Variants in DPEP2 observed in about 807,000 individuals in gnomAD.
DPEP2 encodes dipeptidase 2.
In DPEP2, 45 loss-of-function variants were observed where a neutral mutation model predicts 51.8. The observed-to-expected ratio is 0.87, with a 90% CI of 0.68 to 1.11. The LOEUF (loss-of-function observed/expected upper bound fraction) is 1.11, where lower values mean the gene tolerates loss of function less well. DPEP2 is among the 50% of genes most tolerant of loss of function. The pLI, the probability that DPEP2 is intolerant of heterozygous loss-of-function variation, is 0.00. For missense variants in DPEP2, 604 were observed against 631.9 expected, an observed-to-expected ratio of 0.96 and a Z score of 0.47; for synonymous variants, 255 against 262.7, an observed-to-expected ratio of 0.97 and a Z score of 0.28.
intron 1 of DPEP2, chr16:67,994,810 T>G (rs1439412533): frequency 1.0e-6 from 1 of 985,252 alleles, no homozygotes; most frequent in African/African-American, 1.7e-5. Context: ...ACACTTGATG[T>G]TGCCCAGTGT....
chr16:68,000,547 A>C (rs1489748712), upstream of DPEP2: 5 of 939,720 alleles, frequency 5.3e-6, no homozygotes. Flanking sequence ...ATCTGCTCCC[A>C]TGATGTCTGA....
At chr16:67,990,450 T>C (rs568890835) in intron 7 of DPEP2, among the ~76,000 whole-genome samples, 1 of 152,208 alleles carries the variant, frequency 6.6e-6, no homozygotes, top group South Asian at 2.1e-4. Flanking sequence ...GGCCTCAGGT[T>C]TGAGGGCTCC....
chr16:67,999,069 C>T (rs1195242595), intron 1 of DPEP2, among the ~76,000 whole-genome samples: 1 of 152,186 alleles, frequency 6.6e-6, no homozygotes, highest in African/African-American at 2.4e-5. Flanking sequence ...GGTCCCCTTC[C>T]ACACTGTGGA....
intron 1 of DPEP2, chr16:67,994,898 G>A: frequency 1.0e-6 from 1 of 985,400 alleles, no homozygotes; most frequent in Non-Finnish European, 1.2e-6. Flanking sequence ...CTGCCGAAGG[G>A]GGTCTTTTTT....
upstream of DPEP2, among the ~76,000 whole-genome samples, chr16:68,000,240 T>C (rs2032944884): frequency 6.6e-6 from 1 of 152,154 alleles, no homozygotes; most frequent in Non-Finnish European, 1.5e-5. Flanking sequence ...TATGCAGTGT[T>C]TGCATAAATC....
rs1285870153 is a variant in DPEP2, at chr16:67,993,258, C to T, written c.-45-1G>A. On this transcript the variant is annotated splice_acceptor_variant, in intron 1 of 10. Transcript: ENST00000393847. LOFTEE classifies it low-confidence loss of function (5UTR_SPLICE). ...CAGGCAGGGGTGGCAGTCAGAGAGCCTGAGAGGGGCGGGCGAGGGGCAGAG... is the reference window on the plus strand; with the variant it reads ...CAGGCAGGGGTGGCAGTCAGAGAGCTTGAGAGGGGCGGGCGAGGGGCAGAG... 1.0e-5 allele frequency: 14 copies of T among 1,401,036 alleles called. No individual in the cohort carries two copies. Among genetic ancestry groups the T allele is most frequent in the East Asian group, 5.5e-5 (2 of 36,052 alleles). 86.8% of individuals were successfully genotyped at this position (1,401,036 alleles called of 1,614,324 possible).
At chr16:67,990,665 T>C (rs372364748) in intron 7 of DPEP2, among the ~76,000 whole-genome samples, 156 bp downstream of exon 7, 123 of 152,272 alleles carry the variant, frequency 8.1e-4, no homozygotes, top group African/African-American at 2.7e-3. Context: ...GGTTTCCCCA[T>C]GTTGGCCAGG....
rs767890590 is a variant in DPEP2 at position 67,991,224 on chromosome 16, C to G, written c.663-40G>C. ...GGAAGCAGTCTGACTGGTAGCTGTT[C>G]CTCGGCCTCAAGAGTCTAGAGGCCC... On this transcript the variant is annotated intron_variant, in intron 5 of 10. Transcript: ENST00000393847. The surrounding 1 kb of genome is among the most constrained non-coding windows in gnomAD (Gnocchi z 5.1). 40 of 1,607,144 alleles carry G rather than the reference C, an allele frequency of 2.5e-5. No homozygotes were observed. The Admixed American group carries it at 6.7e-4, about 27-fold the overall frequency.
chr16:67,993,162 C>A lies in DPEP2; in HGVS notation c.51G>T (p.Leu17=). 6.6e-7 allele frequency: 1 copy of A among 1,517,010 alleles called. No homozygotes were observed. Among genetic ancestry groups the A allele is most frequent in the Non-Finnish European group, 8.9e-7 (1 of 1,128,730 alleles). The allele number at this position is 1,517,010 out of a possible 1,614,324, so 94.0% of individuals were successfully genotyped here. A position where few individuals can be genotyped will look rare whatever the true frequency, so the allele number is the denominator to read the frequency against. Reference sequence around the variant, plus strand: ...GCAGCAGCAGGAGCAGCAGACTCAGCAGAGGCCACCGACCAAACGTGCCGG... The same window carrying A: ...GCAGCAGCAGGAGCAGCAGACTCAGAAGAGGCCACCGACCAAACGTGCCGG... ...EGPGTFGRWP[L]LSLLLLLLLL... The change falls in exon 2 of 11, where the codon CTG becomes CTT. Residue 17 remains leucine (L), a synonymous_variant. Transcript: ENST00000393847.
At chr16:67,996,356 G>T (rs1010632815) in intron 1 of DPEP2, among the ~76,000 whole-genome samples, 1 of 142,468 alleles carries the variant, frequency 7.0e-6, no homozygotes, top group South Asian at 2.3e-4. Context: ...TCAACTTTTT[G>T]AATTTTTTTT....
rs1453201469 is a variant in DPEP2 at position 67,992,510 on chromosome 16, C to T, written c.390G>A (p.Gln130=). The change falls in exon 3 of 11, where the codon CAG becomes CAA. Residue 130 remains glutamine (Q), a splice_region_variant and synonymous_variant. Transcript: ENST00000393847. The stretch of plus-strand genomic sequence containing the variant: ...GGCACCTCGTGTATCCCTGTGGTAC[C>T]TGGGCGCCCACGAGGCCATCTCTAA... The part of the protein sequence containing the change: ...DRLRDGLVGA[Q]FWSAYVPCQT... The T allele has an allele frequency of 2.5e-6, 4 of 1,610,160 alleles. No homozygotes were observed. The highest frequency in any genetic ancestry group is 3.4e-6 in the Non-Finnish European group (4 of 1,177,360).
At chr16:67,998,960 C>A (rs2032868244) in intron 1 of DPEP2, among the ~76,000 whole-genome samples, 1 of 152,120 alleles carries the variant, frequency 6.6e-6, no homozygotes, top group African/African-American at 2.4e-5. Context: ...AGCACCCTGT[C>A]AAAACAGACC....
intron 1 of DPEP2, chr16:67,994,903 T>C: frequency 2.0e-6 from 2 of 985,088 alleles, no homozygotes; most frequent in Non-Finnish European, 2.4e-6. Context: ...GAAGGGGGTC[T>C]TTTTTTGTTT....
Position 67,997,329 on chromosome 16 carries a change from C to T in DPEP2, c.-46+2046G>A, listed in dbSNP as rs1245830315. Among the ~76,000 whole-genome samples the T allele has an allele frequency of 2.0e-5, 3 of 149,842 alleles. No homozygotes were observed. The East Asian group carries it at 5.9e-4, about 29-fold the overall frequency. On this transcript the variant is annotated intron_variant, in intron 1 of 10. Coordinates refer to ENST00000393847, the MANE Select transcript of DPEP2 (RefSeq NM_022355.4). ...ATTACAGGCATGAGCCACCCCCGAC[C>T]CTTGGCCAAATTTTTTATTTTTATA... is the stretch of plus-strand genomic sequence containing the variant.
Position 67,991,972 on chromosome 16 carries a change from G to T in DPEP2, c.528C>A (p.Asn176Lys). The change falls in exon 5 of 11, where the codon AAC becomes AAA. Residue 176 changes from asparagine to lysine, a missense_variant. Transcript: ENST00000393847. This position sits in a 1 kb window ranked among gnomAD's most constrained non-coding sequence, Gnocchi z 5.1. ...TGAGGCAGGCCAATTTCTGAGTGTC[G>T]TTCAGAGCTGGGGGCAGGTAGGTCA... ...LELVTSAKAL[N>K]DTQKLACLIG... is the part of the protein sequence containing the mutation. 6.2e-7 allele frequency: 1 copy of T among 1,614,200 alleles called. No homozygotes were observed. The highest frequency in any genetic ancestry group is 8.5e-7 in the Non-Finnish European group (1 of 1,180,026).
At chr16:67,995,058 G>A (rs1052348947) in intron 1 of DPEP2, 4 of 216,510 alleles carry the variant, frequency 1.8e-5, no homozygotes, top group East Asian at 1.8e-4. Flanking sequence ...GCGCCACCAC[G>A]CCCGGCTAAA....
upstream of DPEP2, chr16:68,000,580 A>G (rs1401445562): frequency 2.4e-6 from 2 of 836,982 alleles, no homozygotes; most frequent in Non-Finnish European, 2.9e-6. Context: ...CCAAGAAACA[A>G]TAGTCTTCCA....
chr16:67,991,251 A>G lies in DPEP2; in HGVS notation c.663-67T>C. ...TCGGCCTCAAGAGTCTAGAGGCCCT[A>G]CCCACCCTCCATCCCTGCACCCCCC... On this transcript the variant is annotated intron_variant, in intron 5 of 10. Coordinates refer to ENST00000393847, the MANE Select transcript of DPEP2 (RefSeq NM_022355.4). This position sits in a 1 kb window ranked among gnomAD's most constrained non-coding sequence, Gnocchi z 5.1. 1.3e-6 allele frequency: 2 copies of G among 1,516,216 alleles called. No individual in the cohort carries two copies. The highest frequency in any genetic ancestry group is 2.3e-5 in the South Asian group (2 of 87,254). 93.9% of individuals were successfully genotyped at this position (1,516,216 alleles called of 1,614,324 possible).
At position 67,991,776 on chromosome 16, in the gene DPEP2, G is replaced by C. The variant is rs916953868; in HGVS notation, c.662+62C>G. 3.2e-6 allele frequency: 5 copies of C among 1,586,830 alleles called. No homozygotes were observed. Among genetic ancestry groups the C allele is most frequent in the Non-Finnish European group, 3.4e-6 (4 of 1,164,074 alleles). ...GGGTAAAGCTTGTTCTGGGCCCACA[G>C]TGACCTCAGGCAGATCTCTGCCCCT... On this transcript the variant is annotated intron_variant, in intron 5 of 10. Transcript: ENST00000393847. The surrounding 1 kb of genome is among the most constrained non-coding windows in gnomAD (Gnocchi z 5.1).
Sources: allele counts gnomAD v4.1 joint callset (sites outside exome capture counted in the v4.1 genomes callset), GRCh38; gene constraint gnomAD v4.1.1; non-coding constraint Gnocchi (gnomAD v3.1); transcripts MANE v1.5; gene names NCBI Gene and HGNC (gene_info 2026-07-23, HGNC 2026-07-21).